PCDH11Y: variants seen among roughly 807,000 people sequenced by gnomAD.
PCDH11Y encodes protocadherin 11 Y-linked.
For missense variants in PCDH11Y, 12 were observed against 224.8 expected (o/e 0.05, Z 6.05); for synonymous variants, 9 against 83.6 (o/e 0.11, Z 4.87).
chrY:5,716,421 G>A, intron 4 of PCDH11Y, among the ~76,000 whole-genome samples: 3 of 32,017 alleles, frequency 9.4e-5, no homozygotes, highest in Non-Finnish European at 1.5e-4. Context: ...ATAATCAGTA[G>A]CATTTCTATA....
At chrY:5,341,446 G>T in intron 2 of PCDH11Y, among the ~76,000 whole-genome samples, 1 of 32,534 alleles carries the variant, frequency 3.1e-5, no homozygotes, top group Non-Finnish European at 7.5e-5. Context: ...TCAATGTTGG[G>T]TTAGCAGTGT....
intron 2 of PCDH11Y, among the ~76,000 whole-genome samples, chrY:5,308,511 T>C (rs2053092759): frequency 3.2e-5 from 1 of 31,374 alleles, no homozygotes; most frequent in African/African-American, 1.3e-4. Context: ...ATACAAAAAT[T>C]AGCCGGGTGT....
intron 4 of PCDH11Y, among the ~76,000 whole-genome samples, chrY:5,615,098 C>T: frequency 3.1e-5 from 1 of 31,926 alleles, no homozygotes; most frequent in Non-Finnish European, 7.6e-5. Flanking sequence ...TATCTTCCAC[C>T]GAGTCCCTCC....
chrY:5,049,646 C>T (rs2052648389), intron 3 of PCDH11Y, among the ~76,000 whole-genome samples: 1 of 29,298 alleles, frequency 3.4e-5, no homozygotes, highest in East Asian at 8.8e-4. Flanking sequence ...CTGCAAGCTC[C>T]GCCTCCCGGG....
intron 2 of PCDH11Y, among the ~76,000 whole-genome samples, chrY:5,160,038 T>TATA (rs2052873117): frequency 2.0e-4 from 3 of 15,032 alleles, no homozygotes; most frequent in South Asian, 1.8e-3. Context: ...TAATATAATA[T>TATA]ATATAATATA....
At chrY:5,289,056 G>A (rs2053063996) in intron 2 of PCDH11Y, among the ~76,000 whole-genome samples, 1 of 31,394 alleles carries the variant, frequency 3.2e-5, no homozygotes, top group Non-Finnish European at 7.8e-5. Flanking sequence ...CCACAATCAA[G>A]GTATGGAACA....
chrY:5,135,132 A>C, intron 2 of PCDH11Y, among the ~76,000 whole-genome samples: 1 of 33,111 alleles, frequency 3.0e-5, no homozygotes, highest in African/African-American at 1.2e-4. Context: ...CCCAGCCTCC[A>C]CCTCTAACCT....
chrY:5,366,002 C>G, intron 2 of PCDH11Y, among the ~76,000 whole-genome samples: 1 of 33,450 alleles, frequency 3.0e-5, no homozygotes, highest in African/African-American at 1.2e-4. Context: ...CAAGAGAATA[C>G]TGTTAAAAGA....
intron 2 of PCDH11Y, among the ~76,000 whole-genome samples, chrY:5,316,879 C>A (rs369444191): frequency 1.2e-4 from 4 of 33,097 alleles, no homozygotes; most frequent in African/African-American, 4.7e-4. Context: ...AAGACACCAG[C>A]CTTACTCTAA....
intron 1 of PCDH11Y, among the ~76,000 whole-genome samples, chrY:5,068,758 T>C: frequency 3.1e-5 from 1 of 32,382 alleles, no homozygotes; most frequent in Admixed American, 2.9e-4. Flanking sequence ...TTGTACATTT[T>C]TTAATCTGTA....
intron 2 of PCDH11Y, among the ~76,000 whole-genome samples, chrY:5,390,455 A>T: frequency 3.0e-5 from 1 of 33,192 alleles, no homozygotes; most frequent in African/African-American, 1.2e-4. Flanking sequence ...ATTACTTCTG[A>T]TGTTTGATAA....
rs2124640504 is a variant in PCDH11Y at position 5,125,177 on chromosome Y, T to C, written c.3129+24470T>C. 2.1e-4 allele frequency among the ~76,000 whole-genome samples: 7 copies of C among 33,348 alleles called. No homozygotes were observed. In the East Asian group the frequency reaches 5.6e-3, roughly 26 times the overall value. 89.5% of individuals were successfully genotyped at this position (33,348 alleles called of 37,273 possible). A position where few individuals can be genotyped will look rare whatever the true frequency, so the allele number is the denominator to read the frequency against. Reference sequence around the variant, plus strand: ...GTCTTGCTATATGTCACACAAATACTATTTGGTAAAGCTGTTATTTAAATA... The same window carrying C: ...GTCTTGCTATATGTCACACAAATACCATTTGGTAAAGCTGTTATTTAAATA... On this transcript the variant is annotated intron_variant, in intron 2 of 4. Coordinates refer to the PCDH11Y transcript ENST00000400457.
downstream of PCDH11Y, chrY:5,105,032 G>C: frequency 2.2e-5 from 3 of 137,968 alleles, no homozygotes; most frequent in African/African-American, 3.0e-4. Context: ...CACGAGGTCA[G>C]GATATTGAGA....
intron 2 of PCDH11Y, among the ~76,000 whole-genome samples, chrY:5,201,628 C>A (rs2052926842): frequency 1.8e-4 from 6 of 33,199 alleles, no homozygotes; most frequent in African/African-American, 7.1e-4. Context: ...ACCATGTCTG[C>A]ATCCTTTCCT....
chrY:5,642,697 G>T, intron 4 of PCDH11Y, among the ~76,000 whole-genome samples: 1 of 33,569 alleles, frequency 3.0e-5, no homozygotes, highest in African/African-American at 1.2e-4. Context: ...GTTGAATGAT[G>T]ATTGAAATTT....
intron 2 of PCDH11Y, among the ~76,000 whole-genome samples, chrY:5,324,488 G>A: frequency 3.1e-5 from 1 of 32,556 alleles, no homozygotes; most frequent in East Asian, 8.2e-4. Context: ...AGCCAAGGAT[G>A]AATGATGGCT....
At chrY:5,223,659 G>T in intron 2 of PCDH11Y, among the ~76,000 whole-genome samples, 4 of 31,845 alleles carry the variant, frequency 1.3e-4, no homozygotes, top group African/African-American at 3.7e-4. Flanking sequence ...GCCTCACTGT[G>T]TTGCCCTGGC....
At chrY:5,016,234 C>T (rs1602837055) in intron 1 of PCDH11Y, among the ~76,000 whole-genome samples, 3 of 33,268 alleles carry the variant, frequency 9.0e-5, no homozygotes, top group African/African-American at 3.5e-4. Context: ...ACTGACTTAA[C>T]GTGTGTTTTC....
intron 2 of PCDH11Y, among the ~76,000 whole-genome samples, chrY:5,236,030 A>G (rs2124654379): frequency 1.2e-4 from 4 of 33,888 alleles, no homozygotes; most frequent in South Asian, 6.4e-4. Flanking sequence ...ATGTGTTTCA[A>G]TTTTGACGAG....
Sources: gnomAD v4.1 joint callset for allele counts (sites outside exome capture counted in the v4.1 genomes callset) on GRCh38, gnomAD v4.1.1 for gene constraint, MANE v1.5 for transcripts, NCBI Gene and HGNC (gene_info 2026-07-23, HGNC 2026-07-21) for gene names.